POP4: variants seen among roughly 807,000 people sequenced by gnomAD.
POP4 encodes POP4 ribonuclease P/MRP subunit.
A neutral mutation model predicts 29.9 loss-of-function variants in POP4; 31 were observed. That is an observed-to-expected ratio of 1.04 (90% CI 0.78 to 1.40). POP4 has a LOEUF of 1.40. Among genes scored for constraint, POP4 ranks in the 40% most tolerant of loss-of-function variants. The pLI, the probability that POP4 is intolerant of heterozygous loss-of-function variation, is 0.00. For missense variants in POP4, 286 were observed against 282.7 expected, an observed-to-expected ratio of 1.01 and a Z score of -0.08; for synonymous variants, 110 against 108.2, an observed-to-expected ratio of 1.02 and a Z score of -0.10.
At chr19:29,609,941 G>A (rs1229052651) in intron 2 of POP4, among the ~76,000 whole-genome samples, 3 of 152,150 alleles carry the variant, frequency 2.0e-5, no homozygotes, top group Admixed American at 6.5e-5. Context: ...AGGCTTGGCC[G>A]ACCCTGGAGC....
intron 5 of POP4, 96 bp downstream of exon 5, chr19:29,612,274 T>C: frequency 8.5e-7 from 1 of 1,182,522 alleles, no homozygotes; most frequent in South Asian, 1.5e-5. Context: ...GACACACTCT[T>C]TACCGTGTGG....
intron 2 of POP4, among the ~76,000 whole-genome samples, chr19:29,609,397 A>C (rs1379369636): frequency 1.3e-5 from 2 of 152,326 alleles, no homozygotes; most frequent in South Asian, 4.1e-4. Context: ...CCACAGAAGG[A>C]AGGCTGCGTT....
Position 29,608,806 on chromosome 19 carries a change from C to T in POP4, c.60+97C>T, listed in dbSNP as rs1599485154. On this transcript the variant is annotated intron_variant, in intron 2 of 6. Coordinates refer to ENST00000585603, the MANE Select transcript of POP4 (RefSeq NM_006627.3). ...CAGCACTGATTGAGATGTCCTTTCC[C>T]ACATCATACTCCTCATTTTTCTGGC... The T allele has an allele frequency of 8.8e-6, 10 of 1,141,138 alleles. No homozygotes were observed. In the East Asian group the frequency reaches 2.1e-4, roughly 24 times the overall value. 70.7% of individuals were successfully genotyped at this position (1,141,138 alleles called of 1,614,324 possible). A position where few individuals can be genotyped will look rare whatever the true frequency, so the allele number is the denominator to read the frequency against.
intron 2 of POP4, chr19:29,608,941 A>G: frequency 2.0e-6 from 1 of 492,094 alleles, no homozygotes; most frequent in Admixed American, 3.6e-5. Context: ...GCTTTCCTTA[A>G]CCTTTTATCA....
In POP4 at chr19:29,606,286, G is replaced by T; in HGVS notation, c.-33G>T. Reference sequence around the variant, plus strand: ...AGAGTCTGCGACAGCAGCTGCCAGTGCGTCATCAGAGAGCGCCGGAAGCGG... The same window carrying T: ...AGAGTCTGCGACAGCAGCTGCCAGTTCGTCATCAGAGAGCGCCGGAAGCGG... On this transcript the variant is annotated 5_prime_UTR_variant, in exon 1 of 7. Coordinates refer to ENST00000585603, the MANE Select transcript of POP4 (RefSeq NM_006627.3). 1 of 1,597,840 alleles carries T rather than the reference G, an allele frequency of 6.3e-7. No individual in the cohort carries two copies. Among genetic ancestry groups the T allele is most frequent in the Non-Finnish European group, 8.5e-7 (1 of 1,172,968 alleles).
At chr19:29,610,831 CCT>C (rs151093809) in intron 3 of POP4, 199 bp downstream of exon 3, 14,124 of 593,554 alleles carry the variant, frequency 0.024, 366 homozygotes, top group South Asian at 0.083. Flanking sequence ...CATTGTCTGG[CCT>C]CTCTCCTCAC....
intron 1 of POP4, among the ~76,000 whole-genome samples, chr19:29,606,875 A>G (rs1383243322): frequency 6.6e-6 from 1 of 152,162 alleles, no homozygotes; most frequent in African/African-American, 2.4e-5. Flanking sequence ...TCTGAGCTTC[A>G]GTTTGCTCAT....
rs1971071494 is a variant in POP4, at chr19:29,611,733, G to T, written c.285-129G>T. The T allele has an allele frequency of 1.3e-5, 10 of 753,204 alleles. No homozygotes were observed. In the South Asian group the frequency reaches 1.7e-4, roughly 12 times the overall value. 46.7% of individuals were successfully genotyped at this position (753,204 alleles called of 1,614,324 possible). A position where few individuals can be genotyped will look rare whatever the true frequency, so the allele number is the denominator to read the frequency against. On this transcript the variant is annotated intron_variant, in intron 3 of 6. Transcript: ENST00000585603. ...TTATCAGCTCAATTGCTCATCGTCG[G>T]ATTTGCACATAGTTCCTAATGATCC...
At chr19:29,612,268 C>T (rs997400868) in intron 5 of POP4, 90 bp downstream of exon 5, 13 of 1,227,252 alleles carry the variant, frequency 1.1e-5, no homozygotes, top group Non-Finnish European at 1.5e-5. Flanking sequence ...CTGTTGGACA[C>T]ACTCTTTACC....
chr19:29,610,255 G>A (rs1211038817), intron 2 of POP4, 154 bp from the exon 3 acceptor site: 2 of 647,622 alleles, frequency 3.1e-6, no homozygotes, highest in East Asian at 5.5e-5. Flanking sequence ...GGTAGCAGAT[G>A]CATGGCGGAT....
In POP4 at chr19:29,606,334, G is replaced by A. The variant is rs772210312; in HGVS notation, c.7+9G>A. ...CGGTCCGAGAATGAAGAGTAAGCGG[G>A]GCCGCGAAGTTGGAGAGGGTTGGGG... On this transcript the variant is annotated intron_variant, in intron 1 of 6. Transcript: ENST00000585603. 3.7e-6 allele frequency: 6 copies of A among 1,606,258 alleles called. No individual in the cohort carries two copies. The highest frequency in any genetic ancestry group is 3.3e-5 in the South Asian group (3 of 90,140).
At chr19:29,610,863 G>A (rs2145557014) in intron 3 of POP4, 1 of 552,318 alleles carries the variant, frequency 1.8e-6, no homozygotes, top group East Asian at 3.1e-5. Flanking sequence ...TAAGACCCGT[G>A]CAAGTACATC....
At chr19:29,606,771 G>T (rs558497897) in intron 1 of POP4, among the ~76,000 whole-genome samples, 3 of 152,262 alleles carry the variant, frequency 2.0e-5, no homozygotes, top group Admixed American at 6.5e-5. Context: ...GGAGGGGCGT[G>T]TAGACACCGT....
At chr19:29,608,799 C>A in intron 2 of POP4, 90 bp downstream of exon 2, 1 of 1,228,840 alleles carries the variant, frequency 8.1e-7, no homozygotes, top group Non-Finnish European at 1.2e-6. Context: ...ATTGAGATGT[C>A]CTTTCCCACA....
rs747974592 is a variant in POP4 at position 29,615,422 on chromosome 19, C to G, written c.*42C>G. On this transcript the variant is annotated 3_prime_UTR_variant, in exon 7 of 7. Coordinates refer to ENST00000585603, the MANE Select transcript of POP4 (RefSeq NM_006627.3). ...GGCAGTTGTTTATGACAGCTGAAAA[C>G]TGGACACTCCCTAAATGTCCACCTT... 3.1e-6 allele frequency: 5 copies of G among 1,598,166 alleles called. No homozygotes were observed. Among genetic ancestry groups the G allele is most frequent in the Admixed American group, 3.4e-5 (2 of 58,274 alleles).
At position 29,610,595 on chromosome 19, in the gene POP4, G is replaced by A; in HGVS notation, c.247G>A (p.Glu83Lys). 6.2e-7 allele frequency: 1 copy of A among 1,614,136 alleles called. No homozygotes were observed. Among genetic ancestry groups the A allele is most frequent in the Non-Finnish European group, 8.5e-7 (1 of 1,180,046 alleles). Residue 83 changes from glutamate (E) to lysine (K), a missense_variant, in exon 3 of 7, where the codon GAG (glutamate) becomes AAG (lysine). Transcript: ENST00000585603. Reference sequence around the variant, plus strand: ...AGGCCTCTCTGCCAGGCAAAGGAGGGAGCTGCGGCTCTTTGACATTAAACC... The same window carrying A: ...AGGCCTCTCTGCCAGGCAAAGGAGGAAGCTGCGGCTCTTTGACATTAAACC... Reference protein sequence around the residue: ...AKGLSARQRRELRLFDIKPEQ... With the variant: ...AKGLSARQRRKLRLFDIKPEQ...
chr19:29,612,118 C>T lies in POP4; in HGVS notation c.364C>T (p.Gln122Ter). ...DLCSGLKPDTQPQMIQAKLLK... is the reference protein window; with the variant it reads ...DLCSGLKPDT ...CAAGGGCTTCTGTTTACCCTGCAGGCAGCCACAGATGATTCAGGCCAAGCT... is the reference window on the plus strand; with the variant it reads ...CAAGGGCTTCTGTTTACCCTGCAGGTAGCCACAGATGATTCAGGCCAAGCT... The change falls in exon 5 of 7, where the codon CAG (glutamine) becomes TAG (stop). Residue 122 changes from glutamine (Q) to a stop codon, truncating the protein, a stop_gained and splice_region_variant. Transcript: ENST00000585603. LOFTEE classifies it high-confidence loss of function. The T allele has an allele frequency of 6.2e-7, 1 of 1,606,598 alleles. No homozygotes were observed. The highest frequency in any genetic ancestry group is 8.5e-7 in the Non-Finnish European group (1 of 1,177,936).
chr19:29,613,787 AC>A (rs1225712226), intron 5 of POP4, 83 bp from the exon 6 acceptor site: 5 of 1,519,130 alleles, frequency 3.3e-6, no homozygotes, highest in East Asian at 2.3e-5. Flanking sequence ...TGGGATCAGC[AC>A]CCCCAACCCC....
chr19:29,615,103 TC>T (rs1177966389), intron 6 of POP4, 140 bp from the exon 7 acceptor site: 1 of 1,008,498 alleles, frequency 9.9e-7, no homozygotes. Flanking sequence ...CTAATGCCCC[TC>T]CCCTTGTGGG....
Sources: allele counts gnomAD v4.1 joint callset (sites outside exome capture counted in the v4.1 genomes callset), GRCh38; gene constraint gnomAD v4.1.1; transcripts MANE v1.5; gene names NCBI Gene and HGNC (gene_info 2026-07-23, HGNC 2026-07-21).